The following IKZF2 variants were observed in gnomAD, a reference collection of about 807,000 sequenced individuals.
IKZF2 encodes zinc finger protein Helios.
Under a neutral mutation model 49.2 loss-of-function variants are expected in IKZF2, and 15 were observed. That is an observed-to-expected ratio of 0.30 (90% confidence interval 0.20 to 0.47). IKZF2 has a LOEUF of 0.47. IKZF2 is among the 20% of genes least tolerant of loss of function. IKZF2 has a pLI of 1.00. For synonymous variants in IKZF2, 227 were observed against 221.4 expected (o/e 1.03, Z -0.23); for missense variants, 567 against 664.6 (o/e 0.85, Z 1.61).
In IKZF2 at chr2:213,007,747, G is replaced by C; in HGVS notation, c.1194C>G (p.Ala398=). 1 of 1,613,722 alleles carries C rather than the reference G, an allele frequency of 6.2e-7. No homozygotes were observed. Among genetic ancestry groups the C allele is most frequent in the South Asian group, 1.1e-5 (1 of 91,068 alleles). The change falls in exon 9 of 9, where the codon GCC becomes GCG. Residue 398 remains alanine, a synonymous_variant. Transcript: ENST00000434687. ...AATCCAGGCAGCTATTGCTGGGAGA[G>C]GCCTCTCTTTCCTGGGGTCGACTCT... ...RPKSRPQERE[A]SPSNSCLDST... is the part of the protein sequence containing the mutation.
At chr2:213,140,429 G>C (rs551514432) in intron 4 of IKZF2, among the ~76,000 whole-genome samples, 15 of 151,964 alleles carry the variant, frequency 9.9e-5, no homozygotes, top group African/African-American at 3.6e-4. Context: ...CTGGTGAGGA[G>C]TATTAAATTC....
chr2:213,059,906 TAG>T (rs1244599798), intron 4 of IKZF2, among the ~76,000 whole-genome samples: 4 of 151,220 alleles, frequency 2.6e-5, no homozygotes, highest in Non-Finnish European at 1.5e-5. Flanking sequence ...AGACAAGAAA[TAG>T]TAAAGCCGTA....
chr2:213,007,358 G>C lies in IKZF2; in HGVS notation c.*2C>G, dbSNP rs776677378. 6.2e-7 allele frequency: 1 copy of C among 1,612,082 alleles called. No homozygotes were observed. Among genetic ancestry groups the C allele is most frequent in the Non-Finnish European group, 8.5e-7 (1 of 1,179,056 alleles). The stretch of plus-strand genomic sequence containing the variant: ...TAGGGGTCCCCTTTGGAATGAAAAG[G>C]CCTAGTGGAATGTGTGCTCCCCTCG... On this transcript the variant is annotated 3_prime_UTR_variant, in exon 9 of 9. Coordinates refer to ENST00000434687, the MANE Select transcript of IKZF2 (RefSeq NM_001387220.1).
intron 4 of IKZF2, among the ~76,000 whole-genome samples, chr2:213,113,257 C>T (rs1302899671): frequency 2.6e-5 from 4 of 152,162 alleles, no homozygotes; most frequent in African/African-American, 9.7e-5. Context: ...GTTGATAACA[C>T]TAAGAGACTT....
At chr2:213,043,636 C>G (rs2125287282) in intron 6 of IKZF2, among the ~76,000 whole-genome samples, 2 of 152,300 alleles carry the variant, frequency 1.3e-5, no homozygotes, top group South Asian at 4.1e-4. Flanking sequence ...GGAATGATTT[C>G]AGAATGAAAC....
chr2:213,066,709 G>C (rs1171522990), intron 4 of IKZF2, among the ~76,000 whole-genome samples: 2 of 152,022 alleles, frequency 1.3e-5, no homozygotes, highest in African/African-American at 2.4e-5. Flanking sequence ...TGTTGTTGTT[G>C]TTGTTGTTCT....
chr2:213,056,582 A>G, intron 5 of IKZF2: 1 of 597,764 alleles, frequency 1.7e-6, no homozygotes, highest in Non-Finnish European at 3.0e-6. Context: ...AACCCTTATC[A>G]TATTATTGCT....
chr2:213,014,049 G>C (rs550764681), intron 7 of IKZF2, 115 bp from the exon 8 acceptor site: 2 of 915,640 alleles, frequency 2.2e-6, no homozygotes, highest in South Asian at 3.3e-5. Flanking sequence ...TTCAGTAGAA[G>C]CAAGTAGAAA....
rs1695171564 is a variant in IKZF2, at chr2:213,004,637, GCGTATTTC to G, written c.*2715_*2722del. 2 of 151,876 alleles carry G rather than the reference GCGTATTTC, an allele frequency of 1.3e-5. No individual in the cohort carries two copies. 9.4% of individuals were successfully genotyped at this position (151,876 alleles called of 1,614,324 possible). The stretch of plus-strand genomic sequence containing the variant: ...GTTTATTTTTAGATGCTACAACCTT[GCGTATTTC>G]CTTTTGAAGAAAAGGCATGCACATA... On this transcript the variant is annotated 3_prime_UTR_variant, in exon 9 of 9. Coordinates refer to ENST00000434687, the MANE Select transcript of IKZF2 (RefSeq NM_001387220.1).
chr2:213,059,241 C>T (rs1398064055), intron 4 of IKZF2, among the ~76,000 whole-genome samples: 2 of 151,626 alleles, frequency 1.3e-5, no homozygotes, highest in East Asian at 3.9e-4. Context: ...AATTTAAATG[C>T]TCTTTATATA....
At chr2:213,027,709 A>G (rs1697970268) in intron 6 of IKZF2, among the ~76,000 whole-genome samples, 1 of 151,984 alleles carries the variant, frequency 6.6e-6, no homozygotes, top group Non-Finnish European at 1.5e-5. Flanking sequence ...TTCTCTTAAC[A>G]TTTTGAAGCC....
At chr2:213,119,711 G>A (rs1424726470) in intron 4 of IKZF2, among the ~76,000 whole-genome samples, 1 of 152,170 alleles carries the variant, frequency 6.6e-6, no homozygotes, top group Non-Finnish European at 1.5e-5. Context: ...CTTGGGTACT[G>A]AATGCAAGGC....
In IKZF2 at chr2:213,000,044, C is replaced by T. The variant is rs1324195897; in HGVS notation, c.*7316G>A. The T allele has an allele frequency of 5.9e-5, 9 of 152,014 alleles. No individual in the cohort carries two copies. Among genetic ancestry groups the T allele is most frequent in the African/African-American group, 2.2e-4 (9 of 41,474 alleles). The allele number at this position is 152,014 out of a possible 1,614,324, so 9.4% of individuals were successfully genotyped here. ...AAAAACAAAGAAGATACAAGTCCCA[C>T]ATTTTAGTCTGCAGTGATAAAACTA... On this transcript the variant is annotated 3_prime_UTR_variant, in exon 9 of 9. Transcript: ENST00000434687.
rs7593379 is a variant in IKZF2 at position 213,006,170 on chromosome 2, C to T, written c.*1190G>A. The stretch of plus-strand genomic sequence containing the variant: ...CAGGGTTCAAGTTACCAGATTCAGG[C>T]CAAATTAGCAATTGCTCTGAGGAGA... On this transcript the variant is annotated 3_prime_UTR_variant, in exon 9 of 9. Coordinates refer to ENST00000434687, the MANE Select transcript of IKZF2 (RefSeq NM_001387220.1). The T allele has an allele frequency of 0.55, 83,901 of 151,752 alleles. 23,980 individuals are homozygous for T. The highest frequency in any genetic ancestry group is 0.8 in the East Asian group (4,102 of 5,128). The allele number at this position is 151,752 out of a possible 1,614,324, so 9.4% of individuals were successfully genotyped here. A position where few individuals can be genotyped will look rare whatever the true frequency, so the allele number is the denominator to read the frequency against.
At chr2:213,130,380 T>C (rs2060436467) in intron 4 of IKZF2, among the ~76,000 whole-genome samples, 1 of 152,144 alleles carries the variant, frequency 6.6e-6, no homozygotes, top group South Asian at 2.1e-4. Context: ...TAGACATCAG[T>C]CATCAAAGCT....
At chr2:213,093,042 T>A (rs1705534458) in intron 4 of IKZF2, among the ~76,000 whole-genome samples, 1 of 152,186 alleles carries the variant, frequency 6.6e-6, no homozygotes, top group Non-Finnish European at 1.5e-5. Flanking sequence ...ACAATGATTG[T>A]GTACCTGCTC....
chr2:213,026,063 T>C (rs886076916), intron 6 of IKZF2, among the ~76,000 whole-genome samples: 1 of 152,136 alleles, frequency 6.6e-6, no homozygotes, highest in South Asian at 2.1e-4. Flanking sequence ...TTAAGTTTTA[T>C]TGAACTAAGT....
intron 4 of IKZF2, among the ~76,000 whole-genome samples, chr2:213,070,529 C>T (rs1232065063): frequency 6.6e-6 from 1 of 151,964 alleles, no homozygotes; most frequent in Admixed American, 6.6e-5. Flanking sequence ...CATCACTTTC[C>T]CATAATAACA....
intron 8 of IKZF2, among the ~76,000 whole-genome samples, chr2:213,011,858 C>T (rs1360511580): frequency 1.3e-5 from 2 of 151,952 alleles, no homozygotes; most frequent in East Asian, 3.9e-4. Context: ...GCTCAGTCAG[C>T]TTTACAAGAC....
Sources: allele counts gnomAD v4.1 joint callset (sites outside exome capture counted in the v4.1 genomes callset), GRCh38; gene constraint gnomAD v4.1.1; transcripts MANE v1.5; gene names NCBI Gene and HGNC (gene_info 2026-07-23, HGNC 2026-07-21).